Variants in CDKAL1 observed in about 807,000 individuals in gnomAD.
CDKAL1 encodes CDKAL1 threonylcarbamoyladenosine tRNA methylthiotransferase.
In CDKAL1, 32 loss-of-function variants were observed where a neutral mutation model predicts 68.2. The observed-to-expected ratio is 0.47, with a 90% CI of 0.35 to 0.63. The LOEUF is 0.63. Among genes scored for constraint, CDKAL1 ranks in the 30% least tolerant of loss-of-function variants. CDKAL1 has a pLI of 0.00. For synonymous variants in CDKAL1, 234 were observed against 244.3 expected (o/e 0.96, Z 0.39); for missense variants, 606 against 696.7 (o/e 0.87, Z 1.47).
At chr6:20,559,660 G>A (rs1458399951) in intron 4 of CDKAL1, 1 of 152,146 alleles carries the variant, frequency 6.6e-6, no homozygotes, top group Non-Finnish European at 1.5e-5. Context: ...TGAATAAACT[G>A]CTATGGAGTG....
chr6:21,101,328 C>T (rs1295567589), intron 12 of CDKAL1, among the ~76,000 whole-genome samples: 1 of 152,074 alleles, frequency 6.6e-6, no homozygotes, highest in Non-Finnish European at 1.5e-5. Flanking sequence ...TGTCCAGGCC[C>T]CAGAAGACCA....
intron 4 of CDKAL1, among the ~76,000 whole-genome samples, chr6:20,589,925 A>G (rs759015817): frequency 6.6e-6 from 1 of 152,222 alleles, no homozygotes; most frequent in Non-Finnish European, 1.5e-5. Context: ...TGTAAGTCCA[A>G]GAGCCACTTT....
At chr6:20,594,894 T>A (rs533572575) in intron 4 of CDKAL1, among the ~76,000 whole-genome samples, 1 of 152,288 alleles carries the variant, frequency 6.6e-6, no homozygotes, top group Non-Finnish European at 1.5e-5. Flanking sequence ...AGCATTTGCT[T>A]GTTTGTAAAG....
intron 11 of CDKAL1, among the ~76,000 whole-genome samples, chr6:21,038,329 C>T (rs1195484171): frequency 1.3e-5 from 2 of 152,174 alleles, no homozygotes; most frequent in African/African-American, 2.4e-5. Flanking sequence ...AATTGAAGCT[C>T]AATGGTGCTG....
chr6:20,700,013 G>A (rs545517475), intron 5 of CDKAL1, among the ~76,000 whole-genome samples: 93 of 150,316 alleles, frequency 6.2e-4, no homozygotes, highest in African/African-American at 1.9e-3. Context: ...ATCCCTCCCC[G>A]TTTCTAAATT....
chr6:21,103,700 C>G (rs940594856), intron 12 of CDKAL1, among the ~76,000 whole-genome samples: 2 of 152,096 alleles, frequency 1.3e-5, no homozygotes, highest in African/African-American at 4.8e-5. Context: ...TTGAAGGTAC[C>G]TTGTACAATT....
At chr6:21,079,021 G>C (rs1025226793) in intron 12 of CDKAL1, among the ~76,000 whole-genome samples, 1 of 152,184 alleles carries the variant, frequency 6.6e-6, no homozygotes, top group Non-Finnish European at 1.5e-5. Context: ...GCCATCAGCT[G>C]TGAGAAGTGG....
chr6:20,539,231 A>G lies in CDKAL1; in HGVS notation c.-6+3837A>G, dbSNP rs1351938280. 6.6e-5 allele frequency among the ~76,000 whole-genome samples: 10 copies of G among 152,188 alleles called. No individual in the cohort carries two copies. Among genetic ancestry groups the G allele is most frequent in the Non-Finnish European group, 1.2e-4 (8 of 68,034 alleles). On this transcript the variant is annotated intron_variant, in intron 2 of 15. Coordinates refer to ENST00000274695, the MANE Select transcript of CDKAL1 (RefSeq NM_017774.3). The surrounding 1 kb of genome is among the most constrained non-coding windows in gnomAD (Gnocchi z 4.3). ...CTCCCGAGTCAGAAACTAATTTGGCATACTCAGAATATCTATATCCATATA... is the reference window on the plus strand; with the variant it reads ...CTCCCGAGTCAGAAACTAATTTGGCGTACTCAGAATATCTATATCCATATA...
chr6:20,789,499 T>TTATA (rs1227035108), intron 8 of CDKAL1, among the ~76,000 whole-genome samples: 1 of 152,218 alleles, frequency 6.6e-6, no homozygotes, highest in Non-Finnish European at 1.5e-5. Context: ...TTTTTAATCA[T>TTATA]TATTTGAAAT....
At chr6:21,223,401 G>A (rs749430909) in intron 15 of CDKAL1, among the ~76,000 whole-genome samples, 14 of 152,148 alleles carry the variant, frequency 9.2e-5, no homozygotes, top group Admixed American at 2.0e-4. Context: ...AGCACTTAGC[G>A]TCCTGCTGGG....
chr6:20,954,805 A>T (rs995207283), intron 9 of CDKAL1, among the ~76,000 whole-genome samples: 5 of 152,232 alleles, frequency 3.3e-5, no homozygotes, highest in African/African-American at 1.2e-4. Context: ...TAGAAAGCAA[A>T]CTGTCAGTAA....
chr6:20,997,660 A>C (rs1486121830), intron 10 of CDKAL1, among the ~76,000 whole-genome samples: 1 of 152,182 alleles, frequency 6.6e-6, no homozygotes, highest in Non-Finnish European at 1.5e-5. Context: ...GTTTATAGTA[A>C]GAGGCCACCC....
intron 12 of CDKAL1, among the ~76,000 whole-genome samples, chr6:21,086,856 A>G (rs1444420582): frequency 6.6e-6 from 1 of 152,188 alleles, no homozygotes. Context: ...GAAATTTACA[A>G]AGGTTAAAAA....
intron 10 of CDKAL1, among the ~76,000 whole-genome samples, chr6:20,989,260 G>A (rs777732165): frequency 4.6e-5 from 7 of 152,178 alleles, no homozygotes; most frequent in Admixed American, 6.5e-5. Context: ...ATGCTTACAC[G>A]TTTATAGAAT....
intron 13 of CDKAL1, among the ~76,000 whole-genome samples, chr6:21,123,274 G>T (rs1403125932): frequency 2.6e-5 from 4 of 152,104 alleles, no homozygotes; most frequent in Non-Finnish European, 5.9e-5. Flanking sequence ...GGCCAACATG[G>T]TGAAACCCCA....
intron 12 of CDKAL1, among the ~76,000 whole-genome samples, chr6:21,092,741 A>C (rs994030325): frequency 1.3e-5 from 2 of 151,868 alleles, no homozygotes; most frequent in Non-Finnish European, 2.9e-5. Flanking sequence ...ACTTAAAAAA[A>C]AAAAAAAGAA....
intron 5 of CDKAL1, among the ~76,000 whole-genome samples, chr6:20,667,232 C>A (rs1002720575): frequency 1.3e-5 from 2 of 152,178 alleles, no homozygotes; most frequent in Admixed American, 1.3e-4. Context: ...ACAAATATTT[C>A]TTGAATGCCT....
chr6:21,149,038 G>T (rs575846005), intron 13 of CDKAL1, among the ~76,000 whole-genome samples: 2 of 152,246 alleles, frequency 1.3e-5, no homozygotes, highest in South Asian at 4.2e-4. Context: ...GGTGCTTAGG[G>T]ATACAAACCA....
At chr6:20,658,236 A>G (rs923603459) in intron 5 of CDKAL1, among the ~76,000 whole-genome samples, 1 of 152,136 alleles carries the variant, frequency 6.6e-6, no homozygotes, top group African/African-American at 2.4e-5. Context: ...TGGACTGTCA[A>G]CCTCTATTTG....
Sources: allele counts gnomAD v4.1 joint callset (sites outside exome capture counted in the v4.1 genomes callset), GRCh38; gene constraint gnomAD v4.1.1; non-coding constraint Gnocchi (gnomAD v3.1); transcripts MANE v1.5; gene names NCBI Gene and HGNC (gene_info 2026-07-23, HGNC 2026-07-21).